The following NCALD variants were observed in gnomAD, a reference collection of about 807,000 sequenced individuals.
NCALD encodes the protein neurocalcin delta.
NCALD carries 10 observed loss-of-function variants against 18.6 expected under a neutral mutation model. The ratio of observed to expected loss-of-function variants is 0.54; its 90% confidence interval spans 0.33 to 0.91. The LOEUF (loss-of-function observed/expected upper bound fraction) is 0.91. NCALD is among the 40% of genes least tolerant of loss of function. The pLI is 0.03. For missense variants in NCALD, 184 were observed against 247.6 expected, an observed-to-expected ratio of 0.74 and a Z score of 1.72; for synonymous variants, 88 against 87.4, an observed-to-expected ratio of 1.01 and a Z score of -0.04.
intron 4 of NCALD, among the ~76,000 whole-genome samples, chr8:101,803,227 C>T (rs1017059657): frequency 1.3e-5 from 2 of 152,160 alleles, no homozygotes; most frequent in Admixed American, 1.3e-4. Flanking sequence ...TATGCTAAGT[C>T]TACTCTGCCT....
intron 4 of NCALD, among the ~76,000 whole-genome samples, chr8:101,864,415 C>T (rs1333261492): frequency 6.6e-6 from 1 of 151,934 alleles, no homozygotes; most frequent in Non-Finnish European, 1.5e-5. Context: ...ACGGATGGCT[C>T]CATGGAAAAG....
chr8:101,811,744 C>A (rs564164199), intron 4 of NCALD, among the ~76,000 whole-genome samples: 1 of 152,098 alleles, frequency 6.6e-6, no homozygotes, highest in Non-Finnish European at 1.5e-5. Context: ...GAACCCATTA[C>A]GGAAAAACCT....
intron 4 of NCALD, among the ~76,000 whole-genome samples, chr8:101,879,383 C>T (rs1816377609): frequency 6.6e-6 from 1 of 152,210 alleles, no homozygotes; most frequent in Admixed American, 6.5e-5. Flanking sequence ...AGTATTACAG[C>T]TCTTAAGGCC....
At chr8:102,082,752 T>C (rs1008175032) in intron 1 of NCALD, among the ~76,000 whole-genome samples, 40 of 152,302 alleles carry the variant, frequency 2.6e-4, no homozygotes, top group African/African-American at 9.4e-4. Context: ...GGTGGTTAAA[T>C]AGAAGCCTAT....
chr8:102,000,721 T>C (rs1222400204), intron 2 of NCALD, among the ~76,000 whole-genome samples: 1 of 152,170 alleles, frequency 6.6e-6, no homozygotes, highest in Non-Finnish European at 1.5e-5. Context: ...TGTTCACCAA[T>C]ATCTGCTGTT....
upstream of NCALD, among the ~76,000 whole-genome samples, chr8:101,792,749 T>C (rs1057006396): frequency 2.7e-4 from 41 of 152,342 alleles, no homozygotes; most frequent in African/African-American, 9.6e-4. Context: ...CTGAGCTGCT[T>C]AATTTACCAT....
rs1298977252 is a variant in NCALD, at chr8:101,979,319, G to C, written c.-157+40918C>G. The stretch of plus-strand genomic sequence containing the variant: ...TGGCGAAGAATGCATTCTACACCAA[G>C]AATGACTTATCATTCATTACACTGT... On this transcript the variant is annotated intron_variant, in intron 2 of 6. Transcript: ENST00000311028. 7.2e-5 allele frequency among the ~76,000 whole-genome samples: 11 copies of C among 152,292 alleles called. No homozygotes were observed. In the East Asian group the frequency reaches 2.1e-3, roughly 29 times the overall value.
intron 1 of NCALD, among the ~76,000 whole-genome samples, chr8:102,021,438 T>A (rs180894121): frequency 3.9e-5 from 6 of 152,324 alleles, no homozygotes; most frequent in African/African-American, 1.4e-4. Flanking sequence ...AATTTTTATT[T>A]TATACATATT....
At chr8:101,942,076 G>A (rs1164163874) in intron 2 of NCALD, among the ~76,000 whole-genome samples, 1 of 152,140 alleles carries the variant, frequency 6.6e-6, no homozygotes, top group Non-Finnish European at 1.5e-5. Context: ...TATTTAAAGT[G>A]AAGTGAAAAG....
intron 1 of NCALD, among the ~76,000 whole-genome samples, chr8:102,042,781 G>A (rs1361543747): frequency 6.6e-6 from 1 of 151,278 alleles, no homozygotes; most frequent in Non-Finnish European, 1.5e-5. Context: ...GGGTGGCAAA[G>A]GGTAAGGGCA....
intron 1 of NCALD, among the ~76,000 whole-genome samples, chr8:102,114,372 G>A (rs1418003420): frequency 6.6e-6 from 1 of 152,184 alleles, no homozygotes; most frequent in Non-Finnish European, 1.5e-5. Context: ...ATCAGTTAAA[G>A]CCCAACCAGA....
intron 1 of NCALD, among the ~76,000 whole-genome samples, chr8:102,081,120 C>T (rs1323017242): frequency 6.6e-6 from 1 of 152,130 alleles, no homozygotes; most frequent in Non-Finnish European, 1.5e-5. Context: ...GAGAACTACT[C>T]CCTTAAGAAC....
chr8:102,087,024 T>C (rs1244693640), intron 1 of NCALD, among the ~76,000 whole-genome samples: 7 of 152,178 alleles, frequency 4.6e-5, no homozygotes, highest in African/African-American at 1.7e-4. Flanking sequence ...ACCCACCCCT[T>C]CCTTAGCATA....
intron 4 of NCALD, among the ~76,000 whole-genome samples, chr8:101,817,576 CA>C (rs71268531): frequency 2.0e-4 from 30 of 148,988 alleles, no homozygotes; most frequent in Admixed American, 6.0e-4. Context: ...AAGCAGCTAC[CA>C]AAAAAAAAAG....
rs111995564 is a variant in NCALD at position 101,812,390 on chromosome 8, C to A, written c.-20+74751G>T. Among the ~76,000 whole-genome samples, 870 of 152,188 alleles carry A rather than the reference C, an allele frequency of 5.7e-3. 11 individuals carry two copies. The highest frequency in any genetic ancestry group is 0.018 in the African/African-American group (764 of 41,512). On this transcript the variant is annotated intron_variant, in intron 4 of 6. Coordinates refer to the NCALD transcript ENST00000311028. Reference sequence around the variant, plus strand: ...GTTTTCCATAATGTAAAGTCAATATCCTCTGAGCTCAGCAACTTAACTAAA... The same window carrying A: ...GTTTTCCATAATGTAAAGTCAATATACTCTGAGCTCAGCAACTTAACTAAA...
chr8:101,792,895 TA>T (rs1033472065), upstream of NCALD, among the ~76,000 whole-genome samples: 1,019 of 136,020 alleles, frequency 7.5e-3, no homozygotes, highest in Middle Eastern at 0.012. Flanking sequence ...TTCTCAGTTC[TA>T]AAAAAAAAAA....
At chr8:102,118,351 G>C (rs1014434385) in intron 1 of NCALD, among the ~76,000 whole-genome samples, 17 of 152,206 alleles carry the variant, frequency 1.1e-4, no homozygotes, top group African/African-American at 3.4e-4. Flanking sequence ...ATGCACTGCT[G>C]GCCACTTCTG....
intron 4 of NCALD, among the ~76,000 whole-genome samples, chr8:101,796,006 G>A (rs535716561): frequency 1.3e-5 from 2 of 152,278 alleles, no homozygotes; most frequent in East Asian, 1.9e-4. Flanking sequence ...TTTGGCAGTC[G>A]TGTAGTGACA....
At chr8:101,978,766 G>A (rs375786920) in intron 2 of NCALD, among the ~76,000 whole-genome samples, 1 of 152,150 alleles carries the variant, frequency 6.6e-6, no homozygotes, top group South Asian at 2.1e-4. Context: ...CAAGGGCTTG[G>A]CACAAAGTAG....
Sources: allele counts gnomAD v4.1 joint callset (sites outside exome capture counted in the v4.1 genomes callset), GRCh38; gene constraint gnomAD v4.1.1; transcripts MANE v1.5; gene names NCBI Gene and HGNC (gene_info 2026-07-23, HGNC 2026-07-21).